ATOSA: variants seen among roughly 807,000 people sequenced by gnomAD.
ATOSA encodes the protein atos homolog A, also known as atos homolog protein A.
the ATOSA span, chr15:52,586,368 A>G: frequency 6.6e-6 from 1 of 152,228 alleles, no homozygotes; most frequent in African/African-American, 2.4e-5. Context: ...ATGATGAGTA[A>G]AAGTGATCTG....
At chr15:52,644,397 G>A in the ATOSA span, among the ~76,000 whole-genome samples, 1 of 151,960 alleles carries the variant, frequency 6.6e-6, no homozygotes, top group Non-Finnish European at 1.5e-5. Flanking sequence ...CCTCTTTCAT[G>A]TCTTTTTATC....
the ATOSA span, among the ~76,000 whole-genome samples, chr15:52,636,600 G>C: frequency 2.0e-5 from 3 of 152,172 alleles, no homozygotes; most frequent in Admixed American, 6.5e-5. Flanking sequence ...AAATCAGCTG[G>C]CATCTTGATC....
chr15:52,678,219 T>C, the ATOSA span: 2 of 651,664 alleles, frequency 3.1e-6, no homozygotes, highest in Middle Eastern at 3.1e-4. Context: ...TGGCACCAAC[T>C]GCGGTGACAG....
the ATOSA span, among the ~76,000 whole-genome samples, chr15:52,583,286 T>G: frequency 6.6e-6 from 1 of 152,266 alleles, no homozygotes; most frequent in Non-Finnish European, 1.5e-5. Context: ...TAGCTATGGT[T>G]GTTAAACTTC....
the ATOSA span, among the ~76,000 whole-genome samples, chr15:52,673,790 T>C: frequency 1.5e-3 from 234 of 152,350 alleles, no homozygotes; most frequent in African/African-American, 5.5e-3. Flanking sequence ...CCTTAACACT[T>C]CTTTCCTATT....
the ATOSA span, among the ~76,000 whole-genome samples, chr15:52,674,031 A>G: frequency 6.6e-6 from 1 of 152,248 alleles, no homozygotes; most frequent in Non-Finnish European, 1.5e-5. Flanking sequence ...AAAGATCAAC[A>G]GCCTACAATG....
At chr15:52,611,071 C>G in the ATOSA span, 1 of 1,511,268 alleles carries the variant, frequency 6.6e-7, no homozygotes, top group Non-Finnish European at 8.9e-7. Context: ...AAATGCCATT[C>G]GGTTGCTAAC....
At chr15:52,584,668 G>C in the ATOSA span, 3 of 1,255,420 alleles carry the variant, frequency 2.4e-6, no homozygotes, top group South Asian at 1.5e-5. Context: ...TCTAGTTAGA[G>C]TCACAGTTTA....
the ATOSA span, among the ~76,000 whole-genome samples, chr15:52,697,974 T>TTTTTTTTTTTTG: frequency 8.3e-6 from 1 of 119,910 alleles, no homozygotes; most frequent in Non-Finnish European, 1.7e-5. Context: ...TTTTTTTTTT[T>TTTTTTTTTTTTG]TTTTTTTTTT....
chr15:52,585,235 T>C, the ATOSA span: 43 of 234,994 alleles, frequency 1.8e-4, no homozygotes, highest in Admixed American at 1.0e-4. Context: ...GGAGCAACTT[T>C]AAGGAATAGT....
At chr15:52,652,244 A>T in the ATOSA span, among the ~76,000 whole-genome samples, 2 of 152,250 alleles carry the variant, frequency 1.3e-5, no homozygotes, top group East Asian at 3.8e-4. Context: ...CAGTAGACTG[A>T]TAATGGCAAA....
the ATOSA span, among the ~76,000 whole-genome samples, chr15:52,642,659 C>CCT: frequency 6.6e-6 from 1 of 152,130 alleles, no homozygotes; most frequent in African/African-American, 2.4e-5. Flanking sequence ...ACTTACGCCT[C>CCT]CTCTCTCTCA....
the ATOSA span, among the ~76,000 whole-genome samples, chr15:52,635,362 A>C: frequency 6.6e-6 from 1 of 152,214 alleles, no homozygotes; most frequent in East Asian, 1.9e-4. Flanking sequence ...ACCATGATAG[A>C]TCATATTCTG....
the ATOSA span, among the ~76,000 whole-genome samples, chr15:52,661,952 A>AAAAC: frequency 4.7e-5 from 7 of 149,298 alleles, no homozygotes; most frequent in African/African-American, 1.7e-4. Flanking sequence ...AAAAAAAAAA[A>AAAAC]CAGCAAAAAA....
the ATOSA span, among the ~76,000 whole-genome samples, chr15:52,612,681 T>G: frequency 6.6e-6 from 1 of 151,788 alleles, no homozygotes; most frequent in Non-Finnish European, 1.5e-5. Flanking sequence ...AGTTTTGTAT[T>G]TTTAGTAGAG....
At chr15:52,616,741 C>G in the ATOSA span, among the ~76,000 whole-genome samples, 3 of 152,274 alleles carry the variant, frequency 2.0e-5, no homozygotes, top group East Asian at 5.8e-4. Context: ...AGGCAATGTA[C>G]ACCCAGGAGC....
chr15:52,655,097 TA>T, the ATOSA span, among the ~76,000 whole-genome samples: 1 of 151,990 alleles, frequency 6.6e-6, no homozygotes, highest in Non-Finnish European at 1.5e-5. Flanking sequence ...ACCAAGTGGG[TA>T]AAGCCAGGAT....
the ATOSA span, among the ~76,000 whole-genome samples, chr15:52,676,190 A>T: frequency 1.3e-5 from 2 of 152,250 alleles, no homozygotes; most frequent in African/African-American, 4.8e-5. Context: ...TGACGTTTAA[A>T]AAGTTTCAAT....
At chr15:52,650,258 T>A in the ATOSA span, among the ~76,000 whole-genome samples, 8 of 152,146 alleles carry the variant, frequency 5.3e-5, no homozygotes, top group South Asian at 1.4e-3. Flanking sequence ...ACACAGCTGC[T>A]CTTCTTGAAG....
Sources: allele counts gnomAD v4.1 joint callset (sites outside exome capture counted in the v4.1 genomes callset), GRCh38; gene constraint gnomAD v4.1.1; transcripts MANE v1.5; gene names NCBI Gene and HGNC (gene_info 2026-07-23, HGNC 2026-07-21).